VPS16: variants seen among roughly 807,000 people sequenced by gnomAD.
VPS16 encodes the protein VPS16 core subunit of CORVET and HOPS complexes.
A neutral mutation model predicts 116.0 loss-of-function variants in VPS16; 82 were observed. The ratio of observed to expected loss-of-function variants is 0.71; its 90% CI spans 0.59 to 0.85. The LOEUF (loss-of-function observed/expected upper bound fraction) is 0.85. Among genes scored for constraint, VPS16 ranks in the 40% least tolerant of loss-of-function variants. The pLI, the probability that VPS16 is intolerant of heterozygous loss-of-function variation, is 0.00. For missense variants in VPS16, 928 were observed against 1,090.6 expected, an observed-to-expected ratio of 0.85 and a Z score of 2.10; for synonymous variants, 406 against 420.7, an observed-to-expected ratio of 0.96 and a Z score of 0.43.
chr20:2,866,138 G>A (rs1478944197), intron 22 of VPS16, 74 bp from the exon 23 acceptor site: 11 of 1,327,776 alleles, frequency 8.3e-6, no homozygotes, highest in African/African-American at 4.3e-5. Context: ...TATGCATTGC[G>A]CCTCTGCTCG....
rs1299985104 is a variant in VPS16 at position 2,864,353 on chromosome 20, A to C, written c.1721-12A>C. 2 of 1,613,754 alleles carry C rather than the reference A, an allele frequency of 1.2e-6. No homozygotes were observed. The highest frequency in any genetic ancestry group is 4.5e-5 in the East Asian group (2 of 44,858). On this transcript the variant is annotated splice_polypyrimidine_tract_variant and intron_variant, in intron 17 of 23. Coordinates refer to ENST00000380445, the MANE Select transcript of VPS16 (RefSeq NM_022575.4). The surrounding 1 kb of genome is among the most constrained non-coding windows in gnomAD (Gnocchi z 5.2). ...CTGGCTGGAATTCCCACTCCACCTT[A>C]CTCTCCTGCAGTGTTCACGGTGTTG...
intron 2 of VPS16, 60 bp from the exon 3 acceptor site, chr20:2,859,994 C>A: frequency 6.2e-7 from 1 of 1,602,288 alleles, no homozygotes; most frequent in South Asian, 1.1e-5. Context: ...GGATGTGAGG[C>A]CTGCTTCACA....
intron 1 of VPS16, among the ~76,000 whole-genome samples, chr20:2,858,848 A>G (rs915077269): frequency 1.3e-5 from 2 of 152,174 alleles, no homozygotes; most frequent in Non-Finnish European, 2.9e-5. Flanking sequence ...GCAGATTAAC[A>G]TGCCCAATCC....
chr20:2,843,227 T>C (rs1404567435), intron 1 of VPS16, among the ~76,000 whole-genome samples: 1 of 150,664 alleles, frequency 6.6e-6, no homozygotes, highest in Non-Finnish European at 1.5e-5. Flanking sequence ...AGGTCAAGAG[T>C]TCGAGATCAG....
chr20:2,863,875 G>A lies in VPS16; in HGVS notation c.1477-74G>A. The A allele has an allele frequency of 6.4e-7, 1 of 1,560,312 alleles. No individual in the cohort carries two copies. The highest frequency in any genetic ancestry group is 8.7e-7 in the Non-Finnish European group (1 of 1,146,520). ...AGGGAGGAAGGGAACTGAAGGGGTG[G>A]GTCCTAAGGGCTTGCAGGAGTGGAG... On this transcript the variant is annotated intron_variant, in intron 15 of 23. Transcript: ENST00000380445. The surrounding 1 kb of genome is among the most constrained non-coding windows in gnomAD (Gnocchi z 4.4).
rs2089343961 is a variant in VPS16, at chr20:2,866,305, C to T, written c.2365C>T (p.Leu789Phe). Residue 789 changes from leucine to phenylalanine, a missense_variant, in exon 23 of 24, where the codon CTT becomes TTT. Physicochemically the swap from Leu to Phe is conservative, Grantham distance 22 (BLOSUM62 0). Transcript: ENST00000380445. ...VGPEQKVKALLLVGDVAQAAD... is the reference protein window; with the variant it reads ...VGPEQKVKALFLVGDVAQAAD... ...TCCCGAGCAGAAGGTCAAGGCTTTG[C>T]TTCTTGTTGGGTGCGTCAACTGAGG... is the stretch of plus-strand genomic sequence containing the variant. 1.9e-6 allele frequency: 3 copies of T among 1,613,988 alleles called. No homozygotes were observed. Among genetic ancestry groups the T allele is most frequent in the Non-Finnish European group, 1.7e-6 (2 of 1,180,030 alleles).
chr20:2,848,669 C>T (rs567930569), intron 1 of VPS16, among the ~76,000 whole-genome samples: 3 of 152,306 alleles, frequency 2.0e-5, no homozygotes, highest in Admixed American at 6.5e-5. Flanking sequence ...CAGTTGATCC[C>T]ATGGCTGTGA....
intron 1 of VPS16, among the ~76,000 whole-genome samples, chr20:2,850,315 ACT>A (rs2089105046): frequency 6.8e-6 from 1 of 146,456 alleles, no homozygotes; most frequent in Non-Finnish European, 1.5e-5. Flanking sequence ...CAAGAGCGAA[ACT>A]CTGTCTCAAA....
At position 2,860,858 on chromosome 20, in the gene VPS16, G is replaced by T. The variant is rs142758672; in HGVS notation, c.625G>T (p.Ala209Ser). The T allele has an allele frequency of 8.7e-6, 14 of 1,613,958 alleles. No individual in the cohort carries two copies. In the East Asian group the frequency reaches 2.9e-4, roughly 33 times the overall value. ...LYLLDHAACSAVTPPGLAPGV... is the reference protein window; with the variant it reads ...LYLLDHAACSSVTPPGLAPGV... ...CCTCTTGGACCATGCAGCCTGCTCCGCAGTGGTAAGGGCCCTGAGTGGGAA... is the reference window on the plus strand; with the variant it reads ...CCTCTTGGACCATGCAGCCTGCTCCTCAGTGGTAAGGGCCCTGAGTGGGAA... The change falls in exon 6 of 24, where the codon GCA (alanine) becomes TCA (serine). Residue 209 changes from alanine (A) to serine (S), a missense_variant. Ala to Ser is a moderately conservative substitution (Grantham distance 99). Transcript: ENST00000380445. This position sits in a 1 kb window ranked among gnomAD's most constrained non-coding sequence, Gnocchi z 6.1.
In VPS16 at chr20:2,864,795, C is replaced by T; in HGVS notation, c.1926+141C>T. On this transcript the variant is annotated intron_variant, in intron 19 of 23. Transcript: ENST00000380445. The surrounding 1 kb of genome is among the most constrained non-coding windows in gnomAD (Gnocchi z 5.2). ...TGTGAGGGAGACTCTGACGTGAGGC[C>T]AGGATGGGGGTTAGTGTCAGAGGAG... The T allele has an allele frequency of 1.7e-6, 2 of 1,162,700 alleles. No individual in the cohort carries two copies. 72.0% of individuals were successfully genotyped at this position (1,162,700 alleles called of 1,614,324 possible). A position where few individuals can be genotyped will look rare whatever the true frequency, so the allele number is the denominator to read the frequency against.
At position 2,865,198 on chromosome 20, in the gene VPS16, C is replaced by T. The variant is rs372924049; in HGVS notation, c.2055C>T (p.Asp685=). ...TACGGCTGCAGCGGCGCCTAGAAGA[C>T]GAGCTGGGGGGCCAGTTCCTAGACC... is the stretch of plus-strand genomic sequence containing the variant. The part of the protein sequence containing the change: ...RLLRLQRRLE[D]ELGGQFLDLS... Residue 685 remains aspartate, a synonymous_variant, in exon 21 of 24, where the codon GAC becomes GAT. Transcript: ENST00000380445. This position sits in a 1 kb window ranked among gnomAD's most constrained non-coding sequence, Gnocchi z 5.2. 14 of 1,614,020 alleles carry T rather than the reference C, an allele frequency of 8.7e-6. No individual in the cohort carries two copies. Among genetic ancestry groups the T allele is most frequent in the South Asian group, 6.6e-5 (6 of 91,084 alleles).
At chr20:2,841,372 A>G (rs980298374) in intron 1 of VPS16, among the ~76,000 whole-genome samples, 17 of 152,138 alleles carry the variant, frequency 1.1e-4, no homozygotes, top group Non-Finnish European at 1.6e-4. Flanking sequence ...CCAGATTAGG[A>G]TTTTCCCATA....
chr20:2,866,148 G>C, intron 22 of VPS16, 64 bp from the exon 23 acceptor site: 3 of 1,467,636 alleles, frequency 2.0e-6, no homozygotes, highest in Non-Finnish European at 2.8e-6. Context: ...GCCTCTGCTC[G>C]TAAGAGAGAG....
chr20:2,864,886 G>C lies in VPS16; in HGVS notation c.1927-92G>C. ...GGCAAGGCTGACCCTGGCGACCCTG[G>C]GCACAGGGATGGGGGAGAAGACTGT... On this transcript the variant is annotated intron_variant, in intron 19 of 23. Coordinates refer to ENST00000380445, the MANE Select transcript of VPS16 (RefSeq NM_022575.4). This position sits in a 1 kb window ranked among gnomAD's most constrained non-coding sequence, Gnocchi z 5.2. The C allele has an allele frequency of 6.4e-7, 1 of 1,560,322 alleles. No individual in the cohort carries two copies. The highest frequency in any genetic ancestry group is 8.8e-7 in the Non-Finnish European group (1 of 1,135,382).
rs777007909 is a variant in VPS16 at position 2,865,011 on chromosome 20, G to A, written c.1960G>A (p.Ala654Thr). The A allele has an allele frequency of 5.0e-6, 8 of 1,614,144 alleles. No individual in the cohort carries two copies. In the Admixed American group the frequency reaches 1.3e-4, roughly 27 times the overall value. ...IEGRVAALQT[A>T]ADAFYKAKNE... is the part of the protein sequence containing the mutation. ...GGGGCGAGTAGCAGCTCTGCAGACAGCCGCCGATGCCTTCTACAAGGCCAA... is the reference window on the plus strand; with the variant it reads ...GGGGCGAGTAGCAGCTCTGCAGACAACCGCCGATGCCTTCTACAAGGCCAA... The change falls in exon 20 of 24, where the codon GCC becomes ACC. Residue 654 changes from alanine to threonine, a missense_variant. Transcript: ENST00000380445. This position sits in a 1 kb window ranked among gnomAD's most constrained non-coding sequence, Gnocchi z 5.2.
rs1032675713 is a variant in VPS16, at chr20:2,860,317, C to T, written c.319C>T (p.Leu107=). The T allele has an allele frequency of 6.8e-6, 11 of 1,613,976 alleles. No homozygotes were observed. Among genetic ancestry groups the T allele is most frequent in the Non-Finnish European group, 9.3e-6 (11 of 1,180,026 alleles). ...CTGTGTGCAGGAAGATGGTGCTGTA[C>T]TGGTTTATGGGCTTCATGGTGACTT... ...LLCVQEDGAV[L]VYGLHGDFRR... is the part of the protein sequence containing the mutation. The change falls in exon 4 of 24, where the codon CTG becomes TTG. Residue 107 remains leucine, a synonymous_variant. Transcript: ENST00000380445. This position sits in a 1 kb window ranked among gnomAD's most constrained non-coding sequence, Gnocchi z 6.1.
Position 2,860,239 on chromosome 20 carries a change from T to C in VPS16, c.241T>C (p.Trp81Arg). Residue 81 changes from tryptophan (W) to arginine (R), a missense_variant and splice_region_variant, in exon 4 of 24, where the codon TGG becomes CGG. Physicochemically the swap from Trp to Arg is moderately radical, Grantham distance 101 (BLOSUM62 -3). Transcript: ENST00000380445. This position sits in a 1 kb window ranked among gnomAD's most constrained non-coding sequence, Gnocchi z 6.1. ...ASGMPLASLL[W>R]KSGPVVSLGW... is the part of the protein sequence containing the mutation. ...CCTTAGGAACCTCTCTCCCCTGCAGTGGAAGAGTGGACCCGTGGTGTCCCT... is the reference window on the plus strand; with the variant it reads ...CCTTAGGAACCTCTCTCCCCTGCAGCGGAAGAGTGGACCCGTGGTGTCCCT... 1 of 1,613,840 alleles carries C rather than the reference T, an allele frequency of 6.2e-7. No homozygotes were observed. Among genetic ancestry groups the C allele is most frequent in the Non-Finnish European group, 8.5e-7 (1 of 1,179,948 alleles).
Position 2,863,186 on chromosome 20 carries a change from T to C in VPS16, c.1367+86T>C, listed in dbSNP as rs2089259969. 1 of 1,611,702 alleles carries C rather than the reference T, an allele frequency of 6.2e-7. No homozygotes were observed. Among genetic ancestry groups the C allele is most frequent in the Non-Finnish European group, 8.5e-7 (1 of 1,178,426 alleles). ...GGTGGGGTCTTATGGTCACTGCTCC[T>C]GACCTATCTAGGATGTGGGAGGCCT... On this transcript the variant is annotated intron_variant, in intron 14 of 23. Transcript: ENST00000380445. This position sits in a 1 kb window ranked among gnomAD's most constrained non-coding sequence, Gnocchi z 4.4.
chr20:2,845,009 T>TGC (rs1437285732), intron 1 of VPS16, among the ~76,000 whole-genome samples: 3 of 140,054 alleles, frequency 2.1e-5, no homozygotes, highest in African/African-American at 7.9e-5. Context: ...TTGCAAGGGG[T>TGC]GTGTGTGTGT....
Sources: allele counts gnomAD v4.1 joint callset (sites outside exome capture counted in the v4.1 genomes callset), GRCh38; gene constraint gnomAD v4.1.1; non-coding constraint Gnocchi (gnomAD v3.1); transcripts MANE v1.5; gene names NCBI Gene and HGNC (gene_info 2026-07-23, HGNC 2026-07-21).